Variants in C4orf51 observed in about 807,000 individuals in gnomAD.
C4orf51 encodes chromosome 4 open reading frame 51.
A neutral mutation model predicts 25.2 loss-of-function variants in C4orf51; 25 were observed. The observed-to-expected ratio is 0.99, with a 90% confidence interval of 0.72 to 1.39. The LOEUF is 1.39. C4orf51 is among the 40% of genes most tolerant of loss of function. The pLI, the probability that C4orf51 is intolerant of heterozygous loss-of-function variation, is 0.00. For missense variants in C4orf51, 252 were observed against 239.6 expected (o/e 1.05, Z -0.34); for synonymous variants, 100 against 84.5 (o/e 1.18, Z -1.01).
the C4orf51 span, among the ~76,000 whole-genome samples, chr4:145,781,216 A>C: frequency 8.5e-6 from 1 of 118,082 alleles, no homozygotes; most frequent in Non-Finnish European, 1.7e-5. Flanking sequence ...AAAAAAAAAA[A>C]AGAAAAAAAA....
At chr4:145,732,134 G>A (rs971822270) in intron 5 of C4orf51, among the ~76,000 whole-genome samples, 2 of 152,162 alleles carry the variant, frequency 1.3e-5, no homozygotes, top group Admixed American at 6.5e-5. Context: ...GGAAAGCAGA[G>A]CATTCACATC....
chr4:145,723,695 T>C (rs1001632385), intron 2 of C4orf51, among the ~76,000 whole-genome samples: 3 of 152,250 alleles, frequency 2.0e-5, no homozygotes, highest in African/African-American at 7.2e-5. Context: ...TATTTAGTTT[T>C]ATCAACAAAT....
At chr4:145,725,926 TA>T (rs1732031006) in intron 2 of C4orf51, among the ~76,000 whole-genome samples, 2 of 152,232 alleles carry the variant, frequency 1.3e-5, no homozygotes, top group Admixed American at 1.3e-4. Context: ...TTTCAAGGTT[TA>T]TAAGTTATAT....
In C4orf51 at chr4:145,761,366, C is replaced by T. The variant is rs931460983; in HGVS notation, n.167-9622C>T. The T allele has an allele frequency of 3.1e-6, 4 of 1,289,902 alleles. No individual in the cohort carries two copies. The highest frequency in any genetic ancestry group is 4.0e-6 in the Non-Finnish European group (4 of 988,896). 79.9% of individuals were successfully genotyped at this position (1,289,902 alleles called of 1,614,324 possible). ...TGGTCACAGTGGAAGGGCCGCTCCC[C>T]GGTGTGGACGCGCACGTGCTCGATG... On this transcript the variant is annotated intron_variant and non_coding_transcript_variant, in intron 1 of 1. Transcript: ENST00000510096. This position sits in a 1 kb window ranked among gnomAD's most constrained non-coding sequence, Gnocchi z 6.8.
downstream of C4orf51, among the ~76,000 whole-genome samples, chr4:145,734,367 G>A (rs1318361187): frequency 2.1e-5 from 3 of 143,116 alleles, no homozygotes; most frequent in Non-Finnish European, 3.1e-5. Flanking sequence ...GGGGCTTCGG[G>A]AAGGTCACGT....
chr4:145,700,065 CATGCCCCAACCTCTTATCTCT>C (rs1347044559), intron 2 of C4orf51, among the ~76,000 whole-genome samples: 1 of 151,888 alleles, frequency 6.6e-6, no homozygotes, highest in East Asian at 1.9e-4. Flanking sequence ...CCCTTATTTC[CATGCCCCAACCTCTTATCTCT>C]ATGCCCCAAT....
chr4:145,728,236 T>G (rs752394473), intron 3 of C4orf51, among the ~76,000 whole-genome samples: 1 of 151,674 alleles, frequency 6.6e-6, no homozygotes. Context: ...ATGGCCAAAC[T>G]GCCTTCCCAA....
At chr4:145,789,379 A>G in the C4orf51 span, among the ~76,000 whole-genome samples, 1 of 152,230 alleles carries the variant, frequency 6.6e-6, no homozygotes, top group African/African-American at 2.4e-5. Context: ...AAACAATATC[A>G]GAGTTTGTTA....
intron 1 of C4orf51, among the ~76,000 whole-genome samples, chr4:145,738,771 C>T (rs1164970835): frequency 1.3e-5 from 2 of 152,006 alleles, no homozygotes. Flanking sequence ...TCCCGAGTAG[C>T]TGGAACCACA....
intron 2 of C4orf51, among the ~76,000 whole-genome samples, chr4:145,702,086 C>T (rs1730486708): frequency 6.6e-6 from 1 of 152,296 alleles, no homozygotes; most frequent in Middle Eastern, 3.4e-3. Flanking sequence ...AATATCCCAT[C>T]CCACAGCACG....
intron 1 of C4orf51, among the ~76,000 whole-genome samples, chr4:145,694,041 A>G (rs1578934341): frequency 1.6e-5 from 2 of 128,796 alleles, no homozygotes; most frequent in African/African-American, 3.0e-5. Flanking sequence ...GCGGCCGGGC[A>G]GAGACGCTCC....
chr4:145,690,131 C>T (rs187160896), intron 1 of C4orf51, among the ~76,000 whole-genome samples: 13 of 151,042 alleles, frequency 8.6e-5, no homozygotes, highest in East Asian at 3.9e-4. Flanking sequence ...CACTTGAACC[C>T]GGGAGGCGGA....
At chr4:145,696,758 C>T in intron 2 of C4orf51, 126 bp downstream of exon 2, 2 of 676,000 alleles carry the variant, frequency 3.0e-6, no homozygotes, top group South Asian at 3.9e-5. Context: ...GTAGGCCGGG[C>T]ACTGTGGCTC....
At chr4:145,722,468 A>G (rs1731792157) in intron 2 of C4orf51, among the ~76,000 whole-genome samples, 1 of 152,234 alleles carries the variant, frequency 6.6e-6, no homozygotes, top group Admixed American at 6.5e-5. Context: ...AGAAAAAAAG[A>G]AATTTAACAT....
At chr4:145,774,743 A>G, downstream of C4orf51, 6 of 1,502,866 alleles carry the variant, frequency 4.0e-6, no homozygotes, top group Non-Finnish European at 5.5e-6. Flanking sequence ...TAGGCTGTCC[A>G]TTTATACACA....
In C4orf51 at chr4:145,761,097, C is replaced by T; in HGVS notation, n.167-9891C>T. ...TAACTGACAGGGGAGACAGGAGATT[C>T]CGGGAGCTCCCGACCACCAGGAGCG... On this transcript the variant is annotated intron_variant and non_coding_transcript_variant, in intron 1 of 1. Transcript: ENST00000510096. The surrounding 1 kb of genome is among the most constrained non-coding windows in gnomAD (Gnocchi z 6.8). 1 of 1,289,546 alleles carries T rather than the reference C, an allele frequency of 7.8e-7. No individual in the cohort carries two copies. Among genetic ancestry groups the T allele is most frequent in the South Asian group, 1.2e-5 (1 of 81,006 alleles). The allele number at this position is 1,289,546 out of a possible 1,614,324, so 79.9% of individuals were successfully genotyped here. A position where few individuals can be genotyped will look rare whatever the true frequency, so the allele number is the denominator to read the frequency against.
rs549838101 is a variant in C4orf51 at position 145,682,633 on chromosome 4, G to C, written c.233+2197G>C. On this transcript the variant is annotated intron_variant, in intron 1 of 5. Coordinates refer to ENST00000438731, the MANE Select transcript of C4orf51 (RefSeq NM_001080531.3). ...CATACATTGAATATTCATATTGTGTGAGATAGAAGAAACTTGGTAAAAGTC... is the reference window on the plus strand; with the variant it reads ...CATACATTGAATATTCATATTGTGTCAGATAGAAGAAACTTGGTAAAAGTC... Among the ~76,000 whole-genome samples the C allele has an allele frequency of 2.6e-5, 4 of 152,296 alleles. 1 individual carries two copies. The South Asian group carries it at 8.3e-4, about 32-fold the overall frequency.
In C4orf51 at chr4:145,732,691, T is replaced by C. The variant is rs1732549109; in HGVS notation, c.*131T>C. The C allele has an allele frequency of 1.8e-6, 1 of 552,364 alleles. No homozygotes were observed. Among genetic ancestry groups the C allele is most frequent in the Non-Finnish European group, 3.2e-6 (1 of 312,888 alleles). The allele number at this position is 552,364 out of a possible 1,614,324, so 34.2% of individuals were successfully genotyped here. ...ACGTCTGGACCCTGGCAGGTTGGCT[T>C]TCTGGGACAATTCCATGGGCTTCAT... On this transcript the variant is annotated 3_prime_UTR_variant, in exon 6 of 6. Transcript: ENST00000438731.
downstream of C4orf51, chr4:145,775,798 TAAG>T: frequency 1.2e-6 from 2 of 1,614,136 alleles, no homozygotes; most frequent in Non-Finnish European, 1.7e-6. Context: ...CCTGTAATAA[TAAG>T]GATGTTTCTT....
Sources: gnomAD v4.1 joint callset for allele counts (sites outside exome capture counted in the v4.1 genomes callset) on GRCh38, gnomAD v4.1.1 for gene constraint, Gnocchi (gnomAD v3.1) non-coding constraint, MANE v1.5 for transcripts, NCBI Gene and HGNC (gene_info 2026-07-23, HGNC 2026-07-21) for gene names.